Variants in KSR1 observed in about 807,000 individuals in gnomAD.
KSR1 encodes kinase suppressor of ras.
Under a neutral mutation model 92.9 loss-of-function variants are expected in KSR1, and 35 were observed. The observed-to-expected ratio is 0.38, with a 90% CI of 0.29 to 0.50. The LOEUF is 0.50. Among genes scored for constraint, KSR1 ranks in the 20% least tolerant of loss-of-function variants. KSR1 has a pLI of 0.94. For missense variants in KSR1, 972 were observed against 1,158.5 expected, an observed-to-expected ratio of 0.84 and a Z score of 2.34; for synonymous variants, 467 against 472.6, an observed-to-expected ratio of 0.99 and a Z score of 0.15.
intron 4 of KSR1, 96 bp downstream of exon 4, chr17:27,583,201 C>T (rs1418363876): frequency 1.7e-5 from 14 of 846,448 alleles, no homozygotes; most frequent in Non-Finnish European, 2.1e-5. Flanking sequence ...CCCCTATAGA[C>T]GTGTGTAAAG....
At chr17:27,539,286 T>A (rs1205965165) in intron 1 of KSR1, among the ~76,000 whole-genome samples, 1 of 152,166 alleles carries the variant, frequency 6.6e-6, no homozygotes, top group Non-Finnish European at 1.5e-5. Context: ...ACATGGAGTG[T>A]GTGTTTGAAC....
At chr17:27,574,329 C>T (rs1160767992) in intron 2 of KSR1, among the ~76,000 whole-genome samples, 3 of 152,232 alleles carry the variant, frequency 2.0e-5, no homozygotes, top group Non-Finnish European at 4.4e-5. Context: ...TCTGCCTCCC[C>T]TGCTGGTGCC....
At chr17:27,560,862 G>A (rs909172887) in intron 2 of KSR1, among the ~76,000 whole-genome samples, 1 of 152,186 alleles carries the variant, frequency 6.6e-6, no homozygotes, top group Non-Finnish European at 1.5e-5. Flanking sequence ...TCCCCAGGAA[G>A]CAGCACACAC....
rs2070295598 is a variant in KSR1 at position 27,526,302 on chromosome 17, C to G, written c.232-24266C>G. On this transcript the variant is annotated intron_variant, in intron 1 of 20. Coordinates refer to ENST00000644974, the MANE Select transcript of KSR1 (RefSeq NM_001394583.1). Reference sequence around the variant, plus strand: ...CACTCAAATTTTCCTAGTTGTCGCTCTGTTACAGGTTACTGACCGCAAGTC... The same window carrying G: ...CACTCAAATTTTCCTAGTTGTCGCTGTGTTACAGGTTACTGACCGCAAGTC... The G allele has an allele frequency of 6.3e-6, 6 of 948,434 alleles. 1 individual carries two copies. The South Asian group carries it at 1.0e-4, about 16-fold the overall frequency. 58.8% of individuals were successfully genotyped at this position (948,434 alleles called of 1,614,324 possible). A position where few individuals can be genotyped will look rare whatever the true frequency, so the allele number is the denominator to read the frequency against.
chr17:27,492,164 G>A (rs2068851485), intron 1 of KSR1, among the ~76,000 whole-genome samples: 1 of 152,148 alleles, frequency 6.6e-6, no homozygotes, highest in Non-Finnish European at 1.5e-5. Context: ...TAGCAGATAC[G>A]AGTGGGTGGC....
chr17:27,510,105 G>C (rs991176731), intron 1 of KSR1, among the ~76,000 whole-genome samples: 3 of 152,214 alleles, frequency 2.0e-5, no homozygotes, highest in Non-Finnish European at 4.4e-5. Flanking sequence ...GTTCACCTGG[G>C]CCCTGCCTCA....
At chr17:27,546,757 G>C (rs2071189564) in intron 1 of KSR1, among the ~76,000 whole-genome samples, 1 of 152,150 alleles carries the variant, frequency 6.6e-6, no homozygotes, top group South Asian at 2.1e-4. Context: ...ATCAGAGTGG[G>C]GTAAGCCAGG....
At chr17:27,599,195 A>G (rs1345533239) in intron 10 of KSR1, among the ~76,000 whole-genome samples, 1 of 152,258 alleles carries the variant, frequency 6.6e-6, no homozygotes, top group East Asian at 1.9e-4. Flanking sequence ...CAATTGTAGC[A>G]CAATGCTAAA....
intron 1 of KSR1, among the ~76,000 whole-genome samples, chr17:27,529,728 C>T (rs1287571320): frequency 1.3e-5 from 2 of 152,174 alleles, no homozygotes; most frequent in African/African-American, 2.4e-5. Flanking sequence ...GTTTGTGCAA[C>T]CCCAGTCATT....
intron 1 of KSR1, among the ~76,000 whole-genome samples, chr17:27,460,898 T>C (rs957118281): frequency 2.0e-5 from 3 of 152,172 alleles, no homozygotes; most frequent in Non-Finnish European, 2.9e-5. Context: ...GCAAGGGCTC[T>C]GAAGTAGGTG....
intron 1 of KSR1, among the ~76,000 whole-genome samples, chr17:27,479,423 G>A (rs936624222): frequency 6.6e-6 from 1 of 152,174 alleles, no homozygotes; most frequent in Non-Finnish European, 1.5e-5. Flanking sequence ...CTGGGTTCCC[G>A]TTCTCGCTGC....
At chr17:27,482,945 C>A (rs1314309054) in intron 1 of KSR1, among the ~76,000 whole-genome samples, 1 of 151,962 alleles carries the variant, frequency 6.6e-6, no homozygotes, top group Non-Finnish European at 1.5e-5. Flanking sequence ...ATCATGTCAT[C>A]CACAAAAAAA....
intron 1 of KSR1, 104 bp from the exon 2 acceptor site, chr17:27,550,464 T>C (rs1046484304): frequency 9.9e-6 from 7 of 708,136 alleles, no homozygotes; most frequent in Non-Finnish European, 1.8e-5. Flanking sequence ...CCTTCCCTCA[T>C]CACATTGCTT....
intron 6 of KSR1, among the ~76,000 whole-genome samples, chr17:27,589,768 C>T (rs1164307191): frequency 1.3e-5 from 2 of 152,162 alleles, no homozygotes; most frequent in African/African-American, 2.4e-5. Context: ...ATCTATCTTT[C>T]GTGTTTTCTT....
chr17:27,480,155 C>G (rs2068468883), intron 1 of KSR1, among the ~76,000 whole-genome samples: 1 of 152,158 alleles, frequency 6.6e-6, no homozygotes, highest in Non-Finnish European at 1.5e-5. Flanking sequence ...CTGCTCCAGC[C>G]CCTTGGGCCA....
intron 1 of KSR1, among the ~76,000 whole-genome samples, chr17:27,527,391 GCCCCC>G (rs57402572): frequency 3.8e-5 from 1 of 26,182 alleles, no homozygotes; most frequent in Non-Finnish European, 8.4e-5. Context: ...TGGCACACCC[GCCCCC>G]CCCCCCCCCT....
intron 9 of KSR1, among the ~76,000 whole-genome samples, chr17:27,596,746 C>G (rs2073356911): frequency 6.6e-6 from 1 of 152,246 alleles, no homozygotes; most frequent in Non-Finnish European, 1.5e-5. Flanking sequence ...CTCCCTACTT[C>G]TGGCAGAGTG....
intron 5 of KSR1, 21 bp from the exon 6 acceptor site, chr17:27,588,454 A>T: frequency 6.4e-7 from 1 of 1,562,464 alleles, no homozygotes. Context: ...CAGCCTGCCC[A>T]TCCGGCCTCT....
At chr17:27,517,417 C>A (rs2069843842) in intron 1 of KSR1, among the ~76,000 whole-genome samples, 1 of 152,048 alleles carries the variant, frequency 6.6e-6, no homozygotes, top group African/African-American at 2.4e-5. Flanking sequence ...ACTGCAACAT[C>A]CACCCCCTGG....
Sources: gnomAD v4.1 joint callset for allele counts (sites outside exome capture counted in the v4.1 genomes callset) on GRCh38, gnomAD v4.1.1 for gene constraint, MANE v1.5 for transcripts, NCBI Gene and HGNC (gene_info 2026-07-23, HGNC 2026-07-21) for gene names.